The following PTPRD variants were observed in gnomAD, a reference collection of about 807,000 sequenced individuals.
The protein encoded by PTPRD is receptor-type tyrosine-protein phosphatase delta.
A neutral mutation model predicts 214.5 loss-of-function variants in PTPRD; 34 were observed. The ratio of observed to expected loss-of-function variants is 0.16; its 90% CI spans 0.12 to 0.21. The LOEUF is 0.21. Ranked by LOEUF, PTPRD falls within the 10% of genes least tolerant of loss-of-function variation. PTPRD has a pLI of 1.00. For missense variants in PTPRD, 2,545 were observed against 2,398.7 expected, an observed-to-expected ratio of 1.06 and a Z score of -1.27; for synonymous variants, 1,128 against 845.7, an observed-to-expected ratio of 1.33 and a Z score of -5.79.
chr9:10,259,222 C>T (rs1348671883), intron 3 of PTPRD, among the ~76,000 whole-genome samples: 2 of 152,002 alleles, frequency 1.3e-5, no homozygotes, highest in African/African-American at 2.4e-5. Flanking sequence ...GAAGGGGTTT[C>T]ACCGTGTTAG....
At chr9:8,763,450 G>T (rs1336426154) in intron 11 of PTPRD, among the ~76,000 whole-genome samples, 1 of 151,962 alleles carries the variant, frequency 6.6e-6, no homozygotes, top group Non-Finnish European at 1.5e-5. Context: ...GGAGGAGGAG[G>T]TTGCAGTAGC....
Position 8,779,814 on chromosome 9 carries a change from GTT to G in PTPRD, c.-103-45870_-103-45869del, listed in dbSNP as rs369478924. 3.5e-3 allele frequency among the ~76,000 whole-genome samples: 447 copies of G among 128,406 alleles called. 1 individual carries two copies. The highest frequency in any genetic ancestry group is 9.6e-3 in the African/African-American group (339 of 35,324). 84.2% of individuals were successfully genotyped at this position (128,406 alleles called of 152,430 possible). Reference sequence around the variant, plus strand: ...CACACATTATGTCGATGTTTTGTTGGTTTTTTTTTTTTTTTTTTTGGTCCTAA... The same window carrying G: ...CACACATTATGTCGATGTTTTGTTGGTTTTTTTTTTTTTTTTTGGTCCTAA... On this transcript the variant is annotated intron_variant, in intron 11 of 45. Coordinates refer to ENST00000381196, the MANE Select transcript of PTPRD (RefSeq NM_002839.4).
chr9:9,586,988 G>A (rs1373825747), intron 7 of PTPRD, among the ~76,000 whole-genome samples: 2 of 151,924 alleles, frequency 1.3e-5, no homozygotes, highest in South Asian at 2.1e-4. Context: ...ACTCTCTCCT[G>A]TGATGTTGAA....
chr9:10,458,292 C>T (rs1566178690), intron 2 of PTPRD, among the ~76,000 whole-genome samples: 2 of 152,058 alleles, frequency 1.3e-5, no homozygotes, highest in Non-Finnish European at 1.5e-5. Flanking sequence ...GCAAAAATTA[C>T]TCGACAAAAT....
chr9:10,158,887 C>T (rs2099110181), intron 3 of PTPRD, among the ~76,000 whole-genome samples: 2 of 152,094 alleles, frequency 1.3e-5, no homozygotes, highest in African/African-American at 4.8e-5. Flanking sequence ...TAAGGATATC[C>T]AGAGACAATA....
intron 8 of PTPRD, among the ~76,000 whole-genome samples, chr9:9,488,575 G>C (rs144018087): frequency 6.6e-6 from 1 of 152,248 alleles, no homozygotes; most frequent in East Asian, 1.9e-4. Flanking sequence ...ATAAAAATAA[G>C]GCTATTATTT....
intron 14 of PTPRD, among the ~76,000 whole-genome samples, chr9:8,593,354 C>T (rs1204424297): frequency 6.6e-6 from 1 of 152,164 alleles, no homozygotes; most frequent in Non-Finnish European, 1.5e-5. Flanking sequence ...TTAATGCCTA[C>T]AGAACCAGTG....
At chr9:10,232,029 A>T (rs12235259) in intron 3 of PTPRD, among the ~76,000 whole-genome samples, 51,315 of 97,696 alleles carry the variant, frequency 0.53, 10,876 homozygotes, top group Non-Finnish European at 0.61. Flanking sequence ...TGTGTGTGTG[A>T]GGTGCACTCT....
chr9:9,534,455 G>C (rs7046080), intron 8 of PTPRD, among the ~76,000 whole-genome samples: 24,715 of 151,942 alleles, frequency 0.16, 2,224 homozygotes, highest in Middle Eastern at 0.2. Flanking sequence ...GATGCTAAGA[G>C]ACATGAGGTG....
intron 7 of PTPRD, among the ~76,000 whole-genome samples, chr9:9,679,219 CCT>C (rs370470852): frequency 1.5e-4 from 22 of 149,944 alleles, no homozygotes; most frequent in South Asian, 2.1e-4. Flanking sequence ...TTTTACTCTT[CCT>C]CTCTCTCTCT....
At chr9:8,498,677 C>T (rs1164493557) in intron 25 of PTPRD, among the ~76,000 whole-genome samples, 1 of 152,118 alleles carries the variant, frequency 6.6e-6, no homozygotes, top group African/African-American at 2.4e-5. Flanking sequence ...TGCCAAGTCA[C>T]CAATTTCTTG....
At chr9:10,596,543 T>C (rs1225353657) in intron 2 of PTPRD, among the ~76,000 whole-genome samples, 3 of 151,710 alleles carry the variant, frequency 2.0e-5, no homozygotes, top group Non-Finnish European at 4.4e-5. Context: ...AGCACATATA[T>C]TTAAATGTAG....
intron 10 of PTPRD, among the ~76,000 whole-genome samples, chr9:9,087,407 T>C (rs569904541): frequency 6.6e-6 from 1 of 152,204 alleles, no homozygotes; most frequent in Admixed American, 6.5e-5. Flanking sequence ...AGTTCAAGAA[T>C]GAGAAAAACT....
chr9:10,526,767 T>G (rs1479049953), intron 2 of PTPRD, among the ~76,000 whole-genome samples: 1 of 152,074 alleles, frequency 6.6e-6, no homozygotes, highest in Non-Finnish European at 1.5e-5. Flanking sequence ...AAAGTTACAG[T>G]AGTGCAGTAG....
chr9:9,276,579 C>G (rs995308945), intron 9 of PTPRD, among the ~76,000 whole-genome samples: 2 of 151,284 alleles, frequency 1.3e-5, no homozygotes, highest in Non-Finnish European at 3.0e-5. Flanking sequence ...ATATTCTGCT[C>G]CTGTGACCTC....
intron 12 of PTPRD, among the ~76,000 whole-genome samples, chr9:8,644,341 T>C (rs947342021): frequency 1.3e-5 from 2 of 152,152 alleles, no homozygotes. Context: ...ATGGGTCTCC[T>C]CTGAGCTTTC....
rs2099936175 is a variant in PTPRD, at chr9:9,192,977, CTTGA to C, written c.-202-9618_-202-9615del. ...TGCATTTTAGGTTATTTGAAAAGAGCTTGATTATTTTCCTTTGAATGAAACCAGA... is the reference window on the plus strand; with the variant it reads ...TGCATTTTAGGTTATTTGAAAAGAGCTTATTTTCCTTTGAATGAAACCAGA... On this transcript the variant is annotated intron_variant, in intron 9 of 45. Transcript: ENST00000381196. 2.0e-5 allele frequency among the ~76,000 whole-genome samples: 3 copies of C among 152,030 alleles called. No individual in the cohort carries two copies. In the South Asian group the frequency reaches 6.2e-4, roughly 32 times the overall value.
intron 3 of PTPRD, among the ~76,000 whole-genome samples, chr9:10,303,475 C>A (rs972034887): frequency 2.0e-5 from 3 of 151,896 alleles, no homozygotes; most frequent in Non-Finnish European, 4.4e-5. Context: ...AATCCAGGAG[C>A]TGTTTTTTAT....
intron 7 of PTPRD, among the ~76,000 whole-genome samples, chr9:9,674,098 T>C (rs2096883417): frequency 6.6e-6 from 1 of 151,742 alleles, no homozygotes; most frequent in Non-Finnish European, 1.5e-5. Context: ...AATTCATAAA[T>C]ATGTAGATAA....
Sources: allele counts gnomAD v4.1 joint callset (sites outside exome capture counted in the v4.1 genomes callset), GRCh38; gene constraint gnomAD v4.1.1; transcripts MANE v1.5; gene names NCBI Gene and HGNC (gene_info 2026-07-23, HGNC 2026-07-21).